Variants in RBMS3 observed in about 807,000 individuals in gnomAD.
RBMS3 encodes the protein RNA binding motif single stranded interacting protein 3, also known as RNA-binding motif, single-stranded-interacting protein 3.
RBMS3 carries 27 observed loss-of-function variants against 66.8 expected under a neutral mutation model. The ratio of observed to expected loss-of-function variants is 0.40; its 90% CI spans 0.30 to 0.56. The LOEUF is 0.56. Among genes scored for constraint, RBMS3 ranks in the 20% least tolerant of loss-of-function variants. The pLI, the probability that RBMS3 is intolerant of heterozygous loss-of-function variation, is 0.40. For missense variants in RBMS3, 513 were observed against 549.5 expected (o/e 0.93, Z 0.66); for synonymous variants, 188 against 183.0 (o/e 1.03, Z -0.22).
At chr3:29,572,227 TA>T (rs2046974345) in intron 3 of RBMS3, among the ~76,000 whole-genome samples, 1 of 151,074 alleles carries the variant, frequency 6.6e-6, no homozygotes, top group Non-Finnish European at 1.5e-5. Flanking sequence ...CAAACGAGGA[TA>T]ATTTGACTTC....
intron 3 of RBMS3, among the ~76,000 whole-genome samples, chr3:29,532,171 A>T (rs2045375229): frequency 6.7e-6 from 1 of 150,120 alleles, no homozygotes; most frequent in African/African-American, 2.4e-5. Context: ...CTGCACAATG[A>T]AAATTAGACA....
chr3:29,699,430 A>T (rs987058725), intron 4 of RBMS3, among the ~76,000 whole-genome samples: 3 of 152,182 alleles, frequency 2.0e-5, no homozygotes, highest in Admixed American at 6.5e-5. Flanking sequence ...TACAGGCGTG[A>T]GCCACCGTGC....
At chr3:29,910,955 A>T (rs1311382535) in intron 10 of RBMS3, among the ~76,000 whole-genome samples, 1 of 152,036 alleles carries the variant, frequency 6.6e-6, no homozygotes, top group Non-Finnish European at 1.5e-5. Context: ...TTAAACGTAC[A>T]TTTTTCTCCC....
At chr3:29,561,968 A>G (rs1344147317) in intron 3 of RBMS3, among the ~76,000 whole-genome samples, 2 of 151,886 alleles carry the variant, frequency 1.3e-5, no homozygotes, top group South Asian at 2.1e-4. Context: ...TAGATGCTGG[A>G]TATAAGACCT....
chr3:29,359,220 C>T (rs914688649), intron 1 of RBMS3, among the ~76,000 whole-genome samples: 1 of 152,128 alleles, frequency 6.6e-6, no homozygotes, highest in African/African-American at 2.4e-5. Context: ...AGATACATCC[C>T]ATCAATACCT....
chr3:29,763,664 A>G (rs1412679202), intron 6 of RBMS3, among the ~76,000 whole-genome samples: 1 of 152,140 alleles, frequency 6.6e-6, no homozygotes, highest in Non-Finnish European at 1.5e-5. Flanking sequence ...GAATTGCATT[A>G]AACATGAAAT....
chr3:29,847,157 TG>T (rs2058802200), intron 6 of RBMS3, among the ~76,000 whole-genome samples: 1 of 152,226 alleles, frequency 6.6e-6, no homozygotes, highest in African/African-American at 2.4e-5. Flanking sequence ...TTTAGATTGA[TG>T]AATTAAGTGT....
At chr3:29,980,048 A>G (rs1407266551) in intron 12 of RBMS3, among the ~76,000 whole-genome samples, 1 of 152,210 alleles carries the variant, frequency 6.6e-6, no homozygotes, top group Non-Finnish European at 1.5e-5. Context: ...TTACACTTCC[A>G]TCAACAGTGT....
intron 1 of RBMS3, among the ~76,000 whole-genome samples, chr3:29,420,829 G>A (rs2125701033): frequency 6.6e-6 from 1 of 152,002 alleles, no homozygotes; most frequent in South Asian, 2.1e-4. Flanking sequence ...TATCGGCCAG[G>A]CACGGTGGCT....
Position 29,666,677 on chromosome 3 carries a change from T to C in RBMS3, c.400-73043T>C, listed in dbSNP as rs543527000. Among the ~76,000 whole-genome samples the C allele has an allele frequency of 2.0e-5, 3 of 152,180 alleles. No individual in the cohort carries two copies. In the South Asian group the frequency reaches 6.2e-4, roughly 31 times the overall value. Reference sequence around the variant, plus strand: ...AACCATTCTATTAAGTTAATATTAATATAATTGAAAGCAGTATCATTTGCA... The same window carrying C: ...AACCATTCTATTAAGTTAATATTAACATAATTGAAAGCAGTATCATTTGCA... On this transcript the variant is annotated intron_variant, in intron 4 of 14. Coordinates refer to ENST00000383767, the MANE Select transcript of RBMS3 (RefSeq NM_001003793.3).
chr3:29,830,502 C>T (rs4680857), intron 6 of RBMS3, among the ~76,000 whole-genome samples: 75,942 of 151,744 alleles, frequency 0.5, 19,422 homozygotes, highest in Non-Finnish European at 0.55. Context: ...AAAATACGTG[C>T]CCTTTTGATT....
At chr3:29,484,212 T>C (rs538421119) in intron 2 of RBMS3, among the ~76,000 whole-genome samples, 13 of 152,208 alleles carry the variant, frequency 8.5e-5, no homozygotes, top group Non-Finnish European at 1.6e-4. Context: ...TTTGCAAAGC[T>C]CAGGAGGCCT....
At chr3:29,362,543 C>T (rs141862407) in intron 1 of RBMS3, among the ~76,000 whole-genome samples, 5 of 152,254 alleles carry the variant, frequency 3.3e-5, no homozygotes, top group Admixed American at 6.5e-5. Flanking sequence ...TCTCACACTC[C>T]GTGCTGGGAG....
chr3:29,304,211 AT>A (rs2125451755), intron 1 of RBMS3, among the ~76,000 whole-genome samples: 1 of 152,114 alleles, frequency 6.6e-6, no homozygotes, highest in South Asian at 2.1e-4. Flanking sequence ...ATGTGCTGTC[AT>A]TTTTGGGTTT....
intron 11 of RBMS3, among the ~76,000 whole-genome samples, chr3:29,940,755 C>G (rs551618563): frequency 2.1e-5 from 2 of 95,222 alleles, no homozygotes; most frequent in Non-Finnish European, 3.0e-5. Context: ...AATCTGCAGG[C>G]CTCAAAAAAA....
intron 2 of RBMS3, among the ~76,000 whole-genome samples, chr3:29,480,980 G>A (rs1439413523): frequency 6.6e-6 from 1 of 152,212 alleles, no homozygotes; most frequent in Non-Finnish European, 1.5e-5. Flanking sequence ...GGCAACAAGT[G>A]TTGGCAGAGC....
chr3:29,999,954 C>T (rs984186837), intron 14 of RBMS3, among the ~76,000 whole-genome samples: 2 of 150,236 alleles, frequency 1.3e-5, no homozygotes, highest in African/African-American at 2.4e-5. Context: ...CCATAAAAAC[C>T]CTAGAAGAAA....
chr3:29,657,030 G>A (rs774173878), intron 4 of RBMS3, among the ~76,000 whole-genome samples: 16 of 152,140 alleles, frequency 1.1e-4, no homozygotes, highest in Non-Finnish European at 2.9e-5. Context: ...GGTGGAAGAT[G>A]ATTATGAGCG....
rs535335905 is a variant in RBMS3, at chr3:29,491,493, A to AT, written c.307+2998dup. On this transcript the variant is annotated intron_variant, in intron 3 of 14. Coordinates refer to ENST00000383767, the MANE Select transcript of RBMS3 (RefSeq NM_001003793.3). ...TTAATATAATCTTACAAATACATAG[A>AT]TTTTAAATAAATATGAAAATGTTGA... 2.6e-5 allele frequency among the ~76,000 whole-genome samples: 4 copies of AT among 152,344 alleles called. No homozygotes were observed. In the South Asian group the frequency reaches 8.3e-4, roughly 32 times the overall value.
Sources: gnomAD v4.1 joint callset for allele counts (sites outside exome capture counted in the v4.1 genomes callset) on GRCh38, gnomAD v4.1.1 for gene constraint, MANE v1.5 for transcripts, NCBI Gene and HGNC (gene_info 2026-07-23, HGNC 2026-07-21) for gene names.